The following TTC7A variants were observed in gnomAD, a reference collection of about 807,000 sequenced individuals.
TTC7A encodes the protein tetratricopeptide repeat domain 7A.
TTC7A carries 110 observed loss-of-function variants against 103.7 expected under a neutral mutation model. The ratio of observed to expected loss-of-function variants is 1.06; its 90% CI spans 0.91 to 1.24. The LOEUF (loss-of-function observed/expected upper bound fraction) is 1.24. TTC7A is among the 50% of genes most tolerant of loss of function. TTC7A has a pLI of 0.00. For missense variants in TTC7A, 1,340 were observed against 1,116.3 expected (o/e 1.20, Z -2.86); for synonymous variants, 521 against 467.9 (o/e 1.11, Z -1.47).
At chr2:46,994,264 C>A in intron 6 of TTC7A, 93 bp from the exon 7 acceptor site, 1 of 1,443,732 alleles carries the variant, frequency 6.9e-7, no homozygotes, top group Non-Finnish European at 9.3e-7. Context: ...GCAAGCGGGG[C>A]AGATTTAGCT....
rs374787360 is a variant in TTC7A, at chr2:46,982,332, C to T, written c.764+3425C>T. On this transcript the variant is annotated intron_variant, in intron 5 of 19. Transcript: ENST00000319190. ...GAGGTTTCTGTGAGCTGTGATTGTGCCACTGCACTACAGCCTGAGCAGCAG... is the reference window on the plus strand; with the variant it reads ...GAGGTTTCTGTGAGCTGTGATTGTGTCACTGCACTACAGCCTGAGCAGCAG... Among the ~76,000 whole-genome samples the T allele has an allele frequency of 7.2e-5, 11 of 152,116 alleles. No homozygotes were observed. In the East Asian group the frequency reaches 1.4e-3, roughly 19 times the overall value.
chr2:46,976,426 C>G (rs1374054106), intron 4 of TTC7A, among the ~76,000 whole-genome samples: 1 of 152,190 alleles, frequency 6.6e-6, no homozygotes, highest in Non-Finnish European at 1.5e-5. Context: ...ATGGAAGGTT[C>G]TAGAGCAGCA....
intron 2 of TTC7A, among the ~76,000 whole-genome samples, chr2:46,952,239 A>G (rs939748096): frequency 3.3e-5 from 5 of 152,188 alleles, no homozygotes; most frequent in African/African-American, 1.2e-4. Flanking sequence ...GACCCTGAGC[A>G]TGCTTGACCC....
At chr2:47,071,533 C>T (rs750421102) in intron 19 of TTC7A, among the ~76,000 whole-genome samples, 4 of 152,158 alleles carry the variant, frequency 2.6e-5, no homozygotes, top group East Asian at 1.9e-4. Context: ...ACAAGAGCCC[C>T]GCGAGGAAGG....
intron 16 of TTC7A, among the ~76,000 whole-genome samples, chr2:47,047,826 C>T (rs1043227306): frequency 1.6e-4 from 25 of 152,306 alleles, no homozygotes; most frequent in African/African-American, 6.0e-4. Flanking sequence ...CTCTCCTTGG[C>T]TGCCCCAAAC....
intron 1 of TTC7A, among the ~76,000 whole-genome samples, chr2:46,943,020 C>G (rs1347159069): frequency 6.6e-6 from 1 of 152,142 alleles, no homozygotes; most frequent in Non-Finnish European, 1.5e-5. Context: ...ATCATTCCAC[C>G]TCAGCCTCCC....
intron 5 of TTC7A, among the ~76,000 whole-genome samples, chr2:46,983,477 T>G (rs1024496081): frequency 6.6e-6 from 1 of 152,348 alleles, no homozygotes; most frequent in Non-Finnish European, 1.5e-5. Context: ...TGTCTCCCTC[T>G]GCCAGTTGTG....
At chr2:47,004,400 C>T (rs1461772557) in intron 8 of TTC7A, among the ~76,000 whole-genome samples, 1 of 152,170 alleles carries the variant, frequency 6.6e-6, no homozygotes, top group African/African-American at 2.4e-5. Context: ...GCTTCTGCCT[C>T]CAGCGCCTCA....
intron 15 of TTC7A, among the ~76,000 whole-genome samples, chr2:47,036,704 A>T (rs761945117): frequency 4.9e-4 from 74 of 152,330 alleles, no homozygotes; most frequent in Non-Finnish European, 7.9e-4. Flanking sequence ...AAAAAATTTT[A>T]AAAGTTAACC....
chr2:47,066,009 C>T (rs1684150495), intron 19 of TTC7A: 1 of 152,216 alleles, frequency 6.6e-6, no homozygotes, highest in Non-Finnish European at 1.5e-5. Context: ...AGAACCTCTC[C>T]CTGTCAGGCA....
intron 2 of TTC7A, among the ~76,000 whole-genome samples, chr2:46,933,662 G>A (rs1218781691): frequency 2.0e-5 from 3 of 152,236 alleles, no homozygotes; most frequent in Non-Finnish European, 4.4e-5. Flanking sequence ...ATTTCCGAAT[G>A]TAGCGATCCT....
In TTC7A at chr2:46,934,787, C is replaced by CTT. The variant is rs1161003607; in HGVS notation, c.83-15545_83-15544dup. Reference sequence around the variant, plus strand: ...GGAATAAGGTATGAAGACTACTGCTCTTTTTTTTTTTTTTTTTTTTTTTTT... The same window carrying CTT: ...GGAATAAGGTATGAAGACTACTGCTCTTTTTTTTTTTTTTTTTTTTTTTTTTT... On this transcript the variant is annotated intron_variant, in intron 2 of 20. Transcript: ENST00000409245. Among the ~76,000 whole-genome samples, 529 of 66,830 alleles carry CTT rather than the reference C, an allele frequency of 7.9e-3. 19 individuals carry two copies. Among genetic ancestry groups the CTT allele is most frequent in the Non-Finnish European group, 0.011 (399 of 37,254 alleles). The allele number at this position is 66,830 out of a possible 152,430, so 43.8% of individuals were successfully genotyped here. A position where few individuals can be genotyped will look rare whatever the true frequency, so the allele number is the denominator to read the frequency against.
At chr2:46,920,176 T>C (rs966435390) in intron 2 of TTC7A, among the ~76,000 whole-genome samples, 1 of 152,196 alleles carries the variant, frequency 6.6e-6, no homozygotes, top group Non-Finnish European at 1.5e-5. Context: ...AAGGTATATA[T>C]ATTAATTATG....
At chr2:47,013,644 G>A (rs896481706) in intron 11 of TTC7A, among the ~76,000 whole-genome samples, 1 of 152,192 alleles carries the variant, frequency 6.6e-6, no homozygotes, top group African/African-American at 2.4e-5. Flanking sequence ...TGCAGGAGCT[G>A]TTTCCCTCAG....
upstream of TTC7A, among the ~76,000 whole-genome samples, chr2:46,938,472 G>C (rs1670089255): frequency 6.6e-6 from 1 of 152,088 alleles, no homozygotes; most frequent in South Asian, 2.1e-4. Flanking sequence ...TCTACTTTGT[G>C]ACACTATACT....
In TTC7A at chr2:46,941,786, A is replaced by C. The variant is rs945672919; in HGVS notation, c.184+61A>C. ...GCGCGCGAAACGCACCGCCTCCTCCAGGAAGCGCGCCCAGACAGTCCTCGG... is the reference window on the plus strand; with the variant it reads ...GCGCGCGAAACGCACCGCCTCCTCCCGGAAGCGCGCCCAGACAGTCCTCGG... On this transcript the variant is annotated intron_variant, in intron 1 of 19. Coordinates refer to ENST00000319190, the MANE Select transcript of TTC7A (RefSeq NM_020458.4). The surrounding 1 kb of genome is among the most constrained non-coding windows in gnomAD (Gnocchi z 4.2). The C allele has an allele frequency of 3.2e-6, 5 of 1,542,904 alleles. No homozygotes were observed. The highest frequency in any genetic ancestry group is 3.5e-6 in the Non-Finnish European group (4 of 1,142,948).
rs139056071 is a variant in TTC7A, at chr2:47,073,743, G to C, written c.2397G>C (p.Gln799His). Reference protein sequence around the residue: ...LSRLGHKSLAQKVLRDAVERQ... With the variant: ...LSRLGHKSLAHKVLRDAVERQ... ...GGCTGGGCCACAAGAGCTTGGCCCA[G>C]AAGGTGCTTCGTGATGCCGTGGAGA... The change falls in exon 20 of 20, where the codon CAG (glutamine) becomes CAC (histidine). Residue 799 changes from glutamine to histidine, a missense_variant. Coordinates refer to ENST00000319190, the MANE Select transcript of TTC7A (RefSeq NM_020458.4). The C allele has an allele frequency of 4.3e-6, 7 of 1,613,834 alleles. No homozygotes were observed. In the African/African-American group the frequency reaches 9.3e-5, roughly 21 times the overall value.
At chr2:47,031,695 C>G (rs912181742) in intron 15 of TTC7A, among the ~76,000 whole-genome samples, 1 of 152,222 alleles carries the variant, frequency 6.6e-6, no homozygotes, top group African/African-American at 2.4e-5. Flanking sequence ...CTGCCCAGTT[C>G]CAGCTGAGGG....
chr2:47,054,940 G>A (rs935727763), intron 18 of TTC7A, among the ~76,000 whole-genome samples: 1 of 152,010 alleles, frequency 6.6e-6, no homozygotes, highest in African/African-American at 2.4e-5. Flanking sequence ...ATGAGAAGGT[G>A]TCCTAGTTCT....
Sources: gnomAD v4.1 joint callset for allele counts (sites outside exome capture counted in the v4.1 genomes callset) on GRCh38, gnomAD v4.1.1 for gene constraint, Gnocchi (gnomAD v3.1) non-coding constraint, MANE v1.5 for transcripts, NCBI Gene and HGNC (gene_info 2026-07-23, HGNC 2026-07-21) for gene names.